Variants in INPP5F observed in about 807,000 individuals in gnomAD.
INPP5F encodes the protein phosphatidylinositide 4-phosphatase SAC2.
INPP5F carries 97 observed loss-of-function variants against 137.2 expected under a neutral mutation model. That is an observed-to-expected ratio of 0.71 (90% CI 0.60 to 0.84). The LOEUF is 0.84. INPP5F is among the 40% of genes least tolerant of loss of function. The probability of loss-of-function intolerance (pLI) is 0.00; values close to 1 mark genes in which losing one functional copy is unlikely to be tolerated. For synonymous variants in INPP5F, 504 were observed against 476.9 expected (o/e 1.06, Z -0.74); for missense variants, 1,271 against 1,371.9 (o/e 0.93, Z 1.16).
chr10:119,827,776 T>G lies in INPP5F; in HGVS notation c.3395T>G (p.Ile1132Ser). ...CAATGCCAGACACGGATAATTCAGA[T>G]TTAGCTTTTAGCCATAAGAATCCTT... ...FIQCQTRIIQ[I>S] The change falls in exon 20 of 20, where the codon ATT (isoleucine) becomes AGT (serine). Residue 1132 changes from isoleucine to serine, a missense_variant. Ile to Ser is a moderately radical substitution (Grantham distance 142, BLOSUM62 -2). This residue lies in a region of INPP5F where 490 missense variants were observed against 443.7 expected (regional missense o/e 1.10). Coordinates refer to ENST00000650623, the MANE Select transcript of INPP5F (RefSeq NM_014937.4). 1 of 1,588,224 alleles carries G rather than the reference T, an allele frequency of 6.3e-7. No homozygotes were observed. Among genetic ancestry groups the G allele is most frequent in the Non-Finnish European group, 8.6e-7 (1 of 1,166,602 alleles).
chr10:119,793,591 A>G (rs1278224604), intron 6 of INPP5F: 3 of 152,258 alleles, frequency 2.0e-5, no homozygotes, highest in Non-Finnish European at 4.4e-5. Context: ...TCTGCAGATA[A>G]TAAGTTGAGA....
intron 1 of INPP5F, among the ~76,000 whole-genome samples, 199 bp downstream of exon 1, chr10:119,726,558 T>C (rs1487565042): frequency 5.3e-5 from 8 of 152,096 alleles, no homozygotes; most frequent in Non-Finnish European, 8.8e-5. Flanking sequence ...GCCGAGCCCC[T>C]ACCCCAGTGC....
intron 1 of INPP5F, among the ~76,000 whole-genome samples, chr10:119,746,283 C>G (rs1380538395): frequency 6.6e-6 from 1 of 152,290 alleles, no homozygotes; most frequent in East Asian, 1.9e-4. Context: ...GCCACTTCTT[C>G]TACATGACTC....
chr10:119,798,644 T>C (rs1361247799), intron 9 of INPP5F, 34 bp downstream of exon 9: 1 of 1,424,812 alleles, frequency 7.0e-7, no homozygotes, highest in Non-Finnish European at 9.8e-7. Flanking sequence ...AAATGTTCCT[T>C]CATCTTTAGA....
chr10:119,822,936 A>G (rs1370640857), intron 17 of INPP5F, 135 bp from the exon 18 acceptor site: 2 of 824,108 alleles, frequency 2.4e-6, no homozygotes, highest in African/African-American at 1.7e-5. Context: ...TATCAAACCA[A>G]ATGGTCACCA....
At chr10:119,819,627 A>G in intron 15 of INPP5F, 2 of 932,084 alleles carry the variant, frequency 2.1e-6, no homozygotes, top group Non-Finnish European at 1.5e-6. Flanking sequence ...TCCTTTTCCC[A>G]TTGGTTAATT....
intron 1 of INPP5F, among the ~76,000 whole-genome samples, chr10:119,747,763 C>G (rs1848580967): frequency 6.6e-6 from 1 of 152,060 alleles, no homozygotes; most frequent in East Asian, 1.9e-4. Context: ...GGAAAAACTT[C>G]AAATCACTTA....
At chr10:119,736,873 C>T (rs1848229073) in intron 1 of INPP5F, among the ~76,000 whole-genome samples, 1 of 152,192 alleles carries the variant, frequency 6.6e-6, no homozygotes, top group South Asian at 2.1e-4. Context: ...TGCTCTGCCA[C>T]CCAGGCTGGA....
intron 2 of INPP5F, among the ~76,000 whole-genome samples, chr10:119,752,944 TTTTC>T (rs948032531): frequency 2.0e-5 from 3 of 151,386 alleles, no homozygotes; most frequent in Admixed American, 2.0e-4. Flanking sequence ...GTTTCTTTTT[TTTTC>T]TTTCTTTTTT....
intron 14 of INPP5F, 144 bp from the exon 15 acceptor site, chr10:119,811,613 A>G: frequency 1.6e-6 from 1 of 634,222 alleles, no homozygotes; most frequent in South Asian, 2.2e-5. Context: ...TATCTTAAAA[A>G]TCATGCCTAA....
At chr10:119,794,176 T>G (rs201599675) in intron 6 of INPP5F, among the ~76,000 whole-genome samples, 4 of 151,964 alleles carry the variant, frequency 2.6e-5, no homozygotes, top group African/African-American at 9.6e-5. Context: ...CCTTCCGCAG[T>G]GTTTGTGTCC....
At chr10:119,765,062 A>G (rs565704526) in intron 2 of INPP5F, among the ~76,000 whole-genome samples, 13 of 152,126 alleles carry the variant, frequency 8.5e-5, no homozygotes, top group South Asian at 6.2e-4. Flanking sequence ...CCTCCCGAGT[A>G]GGTGGGATTA....
chr10:119,760,992 GA>G lies in INPP5F; in HGVS notation c.178+9840del, dbSNP rs1232093764. ...TGTCTGAAAAATACATTTTTATATAGAAAATCATTTTGCCCAACAGTACTTA... is the reference window on the plus strand; with the variant it reads ...TGTCTGAAAAATACATTTTTATATAGAAATCATTTTGCCCAACAGTACTTA... On this transcript the variant is annotated intron_variant, in intron 2 of 19. Coordinates refer to ENST00000650623, the MANE Select transcript of INPP5F (RefSeq NM_014937.4). Among the ~76,000 whole-genome samples the G allele has an allele frequency of 1.1e-4, 16 of 152,232 alleles. No individual in the cohort carries two copies. In the East Asian group the frequency reaches 2.7e-3, roughly 26 times the overall value.
At chr10:119,777,997 T>A (rs1445776584) in intron 2 of INPP5F, among the ~76,000 whole-genome samples, 1 of 151,998 alleles carries the variant, frequency 6.6e-6, no homozygotes, top group Non-Finnish European at 1.5e-5. Context: ...ATATCCTTTT[T>A]ATTTTTATTA....
At position 119,827,712 on chromosome 10, in the gene INPP5F, A is replaced by C; in HGVS notation, c.3331A>C (p.Asn1111His). 1 of 1,613,756 alleles carries C rather than the reference A, an allele frequency of 6.2e-7. No individual in the cohort carries two copies. Among genetic ancestry groups the C allele is most frequent in the Non-Finnish European group, 8.5e-7 (1 of 1,179,672 alleles). Reference protein sequence around the residue: ...QKSPPEPEIINQVQQNELKKM... With the variant: ...QKSPPEPEIIHQVQQNELKKM... ...GAGTCCTCCAGAACCTGAAATCATT[A>C]ATCAAGTCCAGCAAAATGAACTTAA... The change falls in exon 20 of 20, where the codon AAT becomes CAT. Residue 1111 changes from asparagine (N) to histidine (H), a missense_variant. Asn to His is a moderately conservative substitution (Grantham distance 68). Around this residue, in one of 6 missense-constraint regions of INPP5F, gnomAD observed 490 missense variants for 443.7 expected, o/e 1.10. Coordinates refer to ENST00000650623, the MANE Select transcript of INPP5F (RefSeq NM_014937.4).
intron 15 of INPP5F, among the ~76,000 whole-genome samples, chr10:119,820,344 G>C (rs560912947): frequency 6.6e-6 from 1 of 152,214 alleles, no homozygotes; most frequent in South Asian, 2.1e-4. Flanking sequence ...AAAGTAGCTT[G>C]GACTTGTTCC....
At chr10:119,762,311 G>A (rs1849032611) in intron 2 of INPP5F, among the ~76,000 whole-genome samples, 1 of 152,194 alleles carries the variant, frequency 6.6e-6, no homozygotes. Context: ...TTTGATGTCT[G>A]GTGAGGGGCT....
At chr10:119,761,999 C>T (rs773709743) in intron 2 of INPP5F, among the ~76,000 whole-genome samples, 5 of 152,168 alleles carry the variant, frequency 3.3e-5, no homozygotes, top group Non-Finnish European at 5.9e-5. Flanking sequence ...TCCATGCATG[C>T]TCAAGTCTCG....
intron 2 of INPP5F, among the ~76,000 whole-genome samples, chr10:119,780,121 TC>T (rs1849654327): frequency 6.6e-6 from 1 of 152,182 alleles, no homozygotes; most frequent in African/African-American, 2.4e-5. Context: ...ATTTTTCAGC[TC>T]CATGATAATT....
Sources: gnomAD v4.1 joint callset for allele counts (sites outside exome capture counted in the v4.1 genomes callset) on GRCh38, gnomAD v4.1.1 for gene constraint, gnomAD v4.1.1 regional missense constraint, MANE v1.5 for transcripts, NCBI Gene and HGNC (gene_info 2026-07-23, HGNC 2026-07-21) for gene names.